SYNPO2: variants seen among roughly 807,000 people sequenced by gnomAD.
SYNPO2 encodes synaptopodin-2.
Under a neutral mutation model 85.0 loss-of-function variants are expected in SYNPO2, and 56 were observed. The ratio of observed to expected loss-of-function variants is 0.66; its 90% CI spans 0.53 to 0.82. The LOEUF (loss-of-function observed/expected upper bound fraction) is 0.82, where lower values mean the gene tolerates loss of function less well. SYNPO2 is among the 40% of genes least tolerant of loss of function. SYNPO2 has a pLI of 0.00. For missense variants in SYNPO2, 1,575 were observed against 1,534.2 expected (o/e 1.03, Z -0.44); for synonymous variants, 602 against 591.1 (o/e 1.02, Z -0.27).
chr4:119,016,494 A>C (rs1737530814), intron 1 of SYNPO2, among the ~76,000 whole-genome samples: 1 of 151,666 alleles, frequency 6.6e-6, no homozygotes, highest in Admixed American at 6.6e-5. Context: ...AGTAATTCTT[A>C]TTAAAAAGAG....
chr4:119,051,128 A>C (rs1172623418), intron 4 of SYNPO2, among the ~76,000 whole-genome samples: 1 of 151,914 alleles, frequency 6.6e-6, no homozygotes, highest in African/African-American at 2.4e-5. Flanking sequence ...GCTGCATAGA[A>C]GTACAAGTAG....
chr4:119,045,985 C>A (rs984324802), intron 4 of SYNPO2, among the ~76,000 whole-genome samples: 10 of 152,094 alleles, frequency 6.6e-5, no homozygotes, highest in Admixed American at 2.0e-4. Flanking sequence ...TATAGCTTTA[C>A]TTCTCCAACT....
At chr4:119,035,911 A>C in intron 4 of SYNPO2, 3 of 985,326 alleles carry the variant, frequency 3.0e-6, no homozygotes, top group Non-Finnish European at 3.6e-6. Flanking sequence ...AAGGTTAAAG[A>C]ACTTTGAAGG....
rs951901344 is a variant in SYNPO2, at chr4:119,029,980, G to A, written c.1205G>A (p.Arg402Gln). 9 of 1,613,924 alleles carry A rather than the reference G, an allele frequency of 5.6e-6. No individual in the cohort carries two copies. Among genetic ancestry groups the A allele is most frequent in the Non-Finnish European group, 6.8e-6 (8 of 1,180,020 alleles). The change falls in exon 4 of 5, where the codon CGG (arginine) becomes CAG (glutamine). Residue 402 changes from arginine (R) to glutamine (Q), a missense_variant. Around this residue, in one of 3 missense-constraint regions of SYNPO2, gnomAD observed 1,508 missense variants for 1,446.8 expected, o/e 1.04. Transcript: ENST00000307142. The part of the protein sequence containing the change: ...KGVLMFKKRR[R>Q]RARKYTLVSY... Reference sequence around the variant, plus strand: ...GTGTTGATGTTTAAGAAGCGACGTCGGAGGGCCAGGAAATACACCCTAGTT... The same window carrying A: ...GTGTTGATGTTTAAGAAGCGACGTCAGAGGGCCAGGAAATACACCCTAGTT...
intron 4 of SYNPO2, among the ~76,000 whole-genome samples, chr4:119,049,861 T>C (rs1463585658): frequency 1.3e-5 from 2 of 152,194 alleles, no homozygotes; most frequent in African/African-American, 4.8e-5. Context: ...CAGAAGTGCA[T>C]CTAAATGCGA....
intron 1 of SYNPO2, among the ~76,000 whole-genome samples, chr4:118,955,837 A>C (rs1734857161): frequency 6.6e-6 from 1 of 152,188 alleles, no homozygotes; most frequent in Non-Finnish European, 1.5e-5. Flanking sequence ...AAAATGTTTG[A>C]GGGAATATTA....
chr4:119,020,820 T>C (rs1050172371), intron 1 of SYNPO2, among the ~76,000 whole-genome samples: 1 of 152,208 alleles, frequency 6.6e-6, no homozygotes, highest in African/African-American at 2.4e-5. Context: ...TATTGTTGTA[T>C]CCTTTACTTA....
intron 1 of SYNPO2, among the ~76,000 whole-genome samples, chr4:118,958,590 C>T (rs929624801): frequency 4.6e-5 from 7 of 151,460 alleles, no homozygotes; most frequent in African/African-American, 1.7e-4. Context: ...CACTGCAACC[C>T]CTGATCCATT....
intron 1 of SYNPO2, among the ~76,000 whole-genome samples, chr4:118,871,955 A>C (rs1731811316): frequency 6.6e-6 from 1 of 152,216 alleles, no homozygotes; most frequent in African/African-American, 2.4e-5. Context: ...TTGAGAGCAC[A>C]GTATGGTTTA....
At chr4:119,025,334 T>C (rs1272577347) in intron 2 of SYNPO2, among the ~76,000 whole-genome samples, 1 of 152,242 alleles carries the variant, frequency 6.6e-6, no homozygotes, top group Non-Finnish European at 1.5e-5. Context: ...TTTAACATTT[T>C]CTACATAATA....
At chr4:119,010,705 T>C (rs1298663046) in intron 1 of SYNPO2, among the ~76,000 whole-genome samples, 1 of 152,258 alleles carries the variant, frequency 6.6e-6, no homozygotes, top group East Asian at 1.9e-4. Context: ...TTATCTACTC[T>C]CTTACACATG....
intron 1 of SYNPO2, among the ~76,000 whole-genome samples, chr4:118,956,333 G>A (rs2149145052): frequency 6.6e-6 from 1 of 152,256 alleles, no homozygotes; most frequent in South Asian, 2.1e-4. Context: ...TAAGCTTCAT[G>A]GGTATTAATG....
In SYNPO2 at chr4:119,031,503, A is replaced by G; in HGVS notation, c.2728A>G (p.Ser910Gly). 1 of 1,614,164 alleles carries G rather than the reference A, an allele frequency of 6.2e-7. No individual in the cohort carries two copies. Residue 910 changes from serine (S) to glycine (G), a missense_variant, in exon 4 of 5, where the codon AGT becomes GGT. By Grantham distance (56) the Ser-to-Gly change is moderately conservative. Coordinates refer to ENST00000307142, the MANE Select transcript of SYNPO2 (RefSeq NM_133477.3). ...AQSPTPSLPASWKYSSNVRAP... is the reference protein window; with the variant it reads ...AQSPTPSLPAGWKYSSNVRAP... The stretch of plus-strand genomic sequence containing the variant: ...GTCTCCCACTCCATCTCTCCCGGCC[A>G]GTTGGAAGTACTCCTCCAATGTCCG...
chr4:119,036,488 T>C, intron 4 of SYNPO2: 1 of 985,354 alleles, frequency 1.0e-6, no homozygotes, highest in Non-Finnish European at 1.2e-6. Flanking sequence ...ATTGAATTCT[T>C]CTCTAGATGT....
chr4:118,912,678 C>A lies in SYNPO2; in HGVS notation c.105+23537C>A, dbSNP rs114392276. On this transcript the variant is annotated intron_variant, in intron 1 of 4. Coordinates refer to ENST00000307142, the MANE Select transcript of SYNPO2 (RefSeq NM_133477.3). ...CCAATGGAACTTATCTACCTGAAAG[C>A]CCTAGCTAGAACAGTACATGCAAAA... Among the ~76,000 whole-genome samples, 747 of 152,162 alleles carry A rather than the reference C, an allele frequency of 4.9e-3. 3 individuals are homozygous for A. Among genetic ancestry groups the A allele is most frequent in the African/African-American group, 0.017 (717 of 41,492 alleles).
At chr4:119,037,060 T>C (rs1738545562) in intron 4 of SYNPO2, 1 of 1,504,752 alleles carries the variant, frequency 6.6e-7, no homozygotes, top group African/African-American at 1.4e-5. Context: ...TGTTTACCTC[T>C]GTTTATGTCA....
At chr4:118,856,810 A>G (rs1731514665) in intron 1 of SYNPO2, among the ~76,000 whole-genome samples, 2 of 152,130 alleles carry the variant, frequency 1.3e-5, no homozygotes, top group South Asian at 4.1e-4. Flanking sequence ...CACCTGGCCT[A>G]TATTTTTAAA....
In SYNPO2 at chr4:119,060,969, T is replaced by C. The variant is rs1418329874; in HGVS notation, c.*3035T>C. 1 of 144,398 alleles carries C rather than the reference T, an allele frequency of 6.9e-6. No homozygotes were observed. Among genetic ancestry groups the C allele is most frequent in the Non-Finnish European group, 1.5e-5 (1 of 66,482 alleles). The allele number at this position is 144,398 out of a possible 1,614,324, so 8.9% of individuals were successfully genotyped here. ...CAACCTATTAGGGCTCAAGTATGTA[T>C]ATGCAAAAAAAAAAAGTTATATCAA... On this transcript the variant is annotated 3_prime_UTR_variant, in exon 5 of 5. Coordinates refer to ENST00000307142, the MANE Select transcript of SYNPO2 (RefSeq NM_133477.3).
intron 4 of SYNPO2, among the ~76,000 whole-genome samples, chr4:119,045,306 C>A (rs1485771570): frequency 3.3e-5 from 5 of 152,100 alleles, no homozygotes; most frequent in Admixed American, 6.5e-5. Flanking sequence ...ACAAAAACTT[C>A]CCACATGCTG....
Sources: allele counts gnomAD v4.1 joint callset (sites outside exome capture counted in the v4.1 genomes callset), GRCh38; gene constraint gnomAD v4.1.1; regional missense constraint gnomAD v4.1.1; transcripts MANE v1.5; gene names NCBI Gene and HGNC (gene_info 2026-07-23, HGNC 2026-07-21).